ZNF469: variants seen among roughly 807,000 people sequenced by gnomAD.
ZNF469 encodes zinc finger protein 469.
Under a neutral mutation model 1.0 loss-of-function variants are expected in ZNF469, and 1 was observed. The observed-to-expected ratio is 1.00, with a 90% CI of 0.35 to 4.73. The LOEUF is 4.73. ZNF469 is among the 30% of genes most tolerant of loss of function. ZNF469 has a pLI of 0.16. For synonymous variants in ZNF469, 2,703 were observed against 2,363.4 expected (o/e 1.14, Z -4.17); for missense variants, 6,100 against 5,356.3 (o/e 1.14, Z -4.33).
At chr16:88,228,827 G>A in the ZNF469 span, among the ~76,000 whole-genome samples, 1 of 152,078 alleles carries the variant, frequency 6.6e-6, no homozygotes, top group Non-Finnish European at 1.5e-5. Flanking sequence ...GTCATAAATG[G>A]CTTTTATTTT....
At chr16:88,295,526 C>T in the ZNF469 span, among the ~76,000 whole-genome samples, 136 of 152,274 alleles carry the variant, frequency 8.9e-4, 1 homozygote, top group African/African-American at 3.2e-3. Context: ...AGGGCGTCAA[C>T]GGCTGTAGCT....
chr16:88,424,313 T>A lies in ZNF469; in HGVS notation c.-191-494T>A, dbSNP rs371176346. On this transcript the variant is annotated intron_variant, in intron 1 of 2. Transcript: ENST00000565624. This position sits in a 1 kb window ranked among gnomAD's most constrained non-coding sequence, Gnocchi z 4.3. ...GCAGAACAGTGAGCGTAGCCGACGA[T>A]CTTCTGTTGAAGGAAGGAGGAAAGG... Among the ~76,000 whole-genome samples the A allele has an allele frequency of 1.2e-4, 19 of 152,350 alleles. No individual in the cohort carries two copies. In the East Asian group the frequency reaches 3.1e-3, roughly 25 times the overall value.
At position 88,429,212 on chromosome 16, in the gene ZNF469, C is replaced by A. The variant is rs765823220; in HGVS notation, c.1742C>A (p.Pro581Gln). 1.9e-6 allele frequency: 3 copies of A among 1,549,764 alleles called. No homozygotes were observed. The highest frequency in any genetic ancestry group is 1.2e-5 in the South Asian group (1 of 84,052). ...CACGGGACACCCAGCCTGCCCCCACCGAGGGTAGTGGGAGCCTCCCCCAGC... is the reference window on the plus strand; with the variant it reads ...CACGGGACACCCAGCCTGCCCCCACAGAGGGTAGTGGGAGCCTCCCCCAGC... The part of the protein sequence containing the change: ...SPHGTPSLPP[P>Q]RVVGASPSES... The change falls in exon 3 of 3, where the codon CCG becomes CAG. Residue 581 changes from proline to glutamine, a missense_variant. Transcript: ENST00000565624.
At chr16:88,111,069 G>A in the ZNF469 span, among the ~76,000 whole-genome samples, 1 of 152,220 alleles carries the variant, frequency 6.6e-6, no homozygotes, top group Non-Finnish European at 1.5e-5. Flanking sequence ...CAGCCCCCAG[G>A]CACCTGGGCC....
the ZNF469 span, among the ~76,000 whole-genome samples, chr16:88,210,626 T>C: frequency 6.6e-6 from 1 of 152,244 alleles, no homozygotes; most frequent in Non-Finnish European, 1.5e-5. Context: ...ATGAATCTAA[T>C]TCCATCTTTT....
Position 88,428,162 on chromosome 16 carries a change from G to A in ZNF469, c.692G>A (p.Gly231Glu), listed in dbSNP as rs1436655179. ...TCCTATCCCGAATACCAGGCCAGTG[G>A]GGCCGACTCCTGGCCTCCCGCTGCT... is the stretch of plus-strand genomic sequence containing the variant. Reference protein sequence around the residue: ...PGSYPEYQASGADSWPPAAEN... With the variant: ...PGSYPEYQASEADSWPPAAEN... The change falls in exon 3 of 3, where the codon GGG becomes GAG. Residue 231 changes from glycine to glutamate, a missense_variant. Transcript: ENST00000565624. 2 of 1,550,086 alleles carry A rather than the reference G, an allele frequency of 1.3e-6. No individual in the cohort carries two copies. Among genetic ancestry groups the A allele is most frequent in the Admixed American group, 2.0e-5 (1 of 50,986 alleles).
At chr16:88,171,308 G>C in the ZNF469 span, among the ~76,000 whole-genome samples, 1 of 152,202 alleles carries the variant, frequency 6.6e-6, no homozygotes, top group Non-Finnish European at 1.5e-5. Flanking sequence ...GGAGCATGTT[G>C]AGAATTCGAA....
At chr16:88,354,793 C>T in the ZNF469 span, among the ~76,000 whole-genome samples, 5 of 152,344 alleles carry the variant, frequency 3.3e-5, no homozygotes, top group South Asian at 2.1e-4. Flanking sequence ...CTTCCTTTTA[C>T]TCACCCTAGA....
chr16:88,348,499 C>A, the ZNF469 span, among the ~76,000 whole-genome samples: 1 of 152,216 alleles, frequency 6.6e-6, no homozygotes, highest in Non-Finnish European at 1.5e-5. Context: ...CACCATTGCA[C>A]CTGCCTCAAG....
the ZNF469 span, among the ~76,000 whole-genome samples, chr16:88,243,146 G>A: frequency 6.6e-6 from 1 of 152,230 alleles, no homozygotes. Context: ...CTGGAAGACA[G>A]TGAATTGTCC....
the ZNF469 span, among the ~76,000 whole-genome samples, chr16:88,246,374 G>A: frequency 0.24 from 36,907 of 152,144 alleles, 4,685 homozygotes; most frequent in South Asian, 0.45. Flanking sequence ...GCGTCATAGT[G>A]GGGGAGCAAA....
the ZNF469 span, among the ~76,000 whole-genome samples, chr16:88,134,750 C>A: frequency 1.3e-5 from 2 of 152,206 alleles, no homozygotes; most frequent in African/African-American, 4.8e-5. Context: ...GGGCCTCGAG[C>A]AAGCTGGTGT....
the ZNF469 span, among the ~76,000 whole-genome samples, chr16:88,350,422 AG>A: frequency 6.6e-6 from 1 of 152,220 alleles, no homozygotes; most frequent in Non-Finnish European, 1.5e-5. Context: ...CGCCTAGGGG[AG>A]GGCAGGGAAG....
chr16:88,170,895 G>A, the ZNF469 span, among the ~76,000 whole-genome samples: 3 of 150,248 alleles, frequency 2.0e-5, no homozygotes, highest in East Asian at 1.9e-4. This position sits in a 1 kb window ranked among gnomAD's most constrained non-coding sequence, Gnocchi z 4.2. Flanking sequence ...AAGTGTTGCC[G>A]CTCCACACCC....
intron 1 of ZNF469, among the ~76,000 whole-genome samples, chr16:88,411,503 TGCAAGCAGGCAGGGGTGCGAGCGGG>T (rs1905165731): frequency 7.1e-6 from 1 of 141,340 alleles, no homozygotes; most frequent in Non-Finnish European, 1.6e-5. Context: ...CGGGCAGGGG[TGCAAGCAGGCAGGGGTGCGAGCGGG>T]CAGGGGTGGG....
chr16:88,259,299 A>T, the ZNF469 span, among the ~76,000 whole-genome samples: 12 of 133,966 alleles, frequency 9.0e-5, no homozygotes, highest in Non-Finnish European at 1.6e-4. The surrounding 1 kb of genome is among the most constrained non-coding windows in gnomAD (Gnocchi z 4.1). Context: ...GTGGGTCAGG[A>T]AGGGTCGACG....
chr16:88,374,688 CT>C, the ZNF469 span, among the ~76,000 whole-genome samples: 1 of 152,254 alleles, frequency 6.6e-6, no homozygotes, highest in African/African-American at 2.4e-5. Flanking sequence ...TAACAAAGAG[CT>C]GCGTGTGCAG....
At chr16:88,193,324 G>A in the ZNF469 span, among the ~76,000 whole-genome samples, 27 of 151,050 alleles carry the variant, frequency 1.8e-4, no homozygotes, top group Non-Finnish European at 3.6e-4. Context: ...GGTGATGATG[G>A]TGGTGACGGT....
intron 1 of ZNF469, among the ~76,000 whole-genome samples, chr16:88,394,226 T>C (rs1411354339): frequency 0.15 from 16,991 of 114,788 alleles, 3,755 homozygotes; most frequent in Non-Finnish European, 0.19. Context: ...TGTACACCTG[T>C]GCTGTCCAAG....
Sources: allele counts gnomAD v4.1 joint callset (sites outside exome capture counted in the v4.1 genomes callset), GRCh38; gene constraint gnomAD v4.1.1; non-coding constraint Gnocchi (gnomAD v3.1); transcripts MANE v1.5; gene names NCBI Gene and HGNC (gene_info 2026-07-23, HGNC 2026-07-21).